CTNNA3: variants seen among roughly 807,000 people sequenced by gnomAD.
CTNNA3 encodes catenin alpha 3.
Under a neutral mutation model 95.7 loss-of-function variants are expected in CTNNA3, and 76 were observed. That is an observed-to-expected ratio of 0.79 (90% confidence interval 0.66 to 0.96). CTNNA3 has a LOEUF of 0.96. Among genes scored for constraint, CTNNA3 ranks in the 40% least tolerant of loss-of-function variants. The pLI is 0.00. For missense variants in CTNNA3, 1,191 were observed against 1,089.8 expected, an observed-to-expected ratio of 1.09 and a Z score of -1.31; for synonymous variants, 431 against 374.4, an observed-to-expected ratio of 1.15 and a Z score of -1.74.
intron 5 of CTNNA3, among the ~76,000 whole-genome samples, chr10:67,319,212 G>C (rs770763651): frequency 6.6e-6 from 1 of 152,174 alleles, no homozygotes; most frequent in Non-Finnish European, 1.5e-5. Context: ...AGTGTATCCT[G>C]TGTGACTTCA....
intron 15 of CTNNA3, among the ~76,000 whole-genome samples, chr10:66,046,435 C>T (rs1337690906): frequency 6.6e-6 from 1 of 152,134 alleles, no homozygotes; most frequent in African/African-American, 2.4e-5. Context: ...CCCATACATA[C>T]AATATACCAG....
chr10:65,946,416 T>G (rs1019659617), intron 17 of CTNNA3, among the ~76,000 whole-genome samples: 3 of 151,776 alleles, frequency 2.0e-5, no homozygotes, highest in African/African-American at 7.3e-5. Context: ...TCTCTGTCTC[T>G]GTCTCTGTTT....
intron 3 of CTNNA3, among the ~76,000 whole-genome samples, chr10:67,541,684 A>G (rs972407729): frequency 6.6e-6 from 1 of 152,100 alleles, no homozygotes; most frequent in African/African-American, 2.4e-5. Flanking sequence ...AAAGCACTCA[A>G]CAAAGATTAA....
At chr10:65,993,682 TG>T (rs1400457533) in intron 15 of CTNNA3, among the ~76,000 whole-genome samples, 1 of 152,202 alleles carries the variant, frequency 6.6e-6, no homozygotes, top group African/African-American at 2.4e-5. Flanking sequence ...TTGGGTCATG[TG>T]GTCCTTGCTT....
rs1426270607 is a variant in CTNNA3 at position 66,598,820 on chromosome 10, A to C, written c.1374+22872T>G. ...TTAATATTGTTGAAATATTTGTACT[A>C]TCCTAAGTGATCTATAAATTCACTG... On this transcript the variant is annotated intron_variant, in intron 10 of 17. Transcript: ENST00000433211. 3.9e-5 allele frequency among the ~76,000 whole-genome samples: 6 copies of C among 152,114 alleles called. No individual in the cohort carries two copies. The East Asian group carries it at 1.2e-3, about 29-fold the overall frequency.
chr10:65,976,306 C>T (rs1422958074), intron 16 of CTNNA3, among the ~76,000 whole-genome samples: 1 of 152,136 alleles, frequency 6.6e-6, no homozygotes, highest in Non-Finnish European at 1.5e-5. Flanking sequence ...ACCAGCACCA[C>T]TATACAACTC....
intron 1 of CTNNA3, among the ~76,000 whole-genome samples, chr10:67,649,122 C>T (rs1399504268): frequency 6.6e-6 from 1 of 152,214 alleles, no homozygotes; most frequent in Admixed American, 6.5e-5. Flanking sequence ...TGTTACTCCT[C>T]TACGACAGGT....
intron 11 of CTNNA3, among the ~76,000 whole-genome samples, chr10:66,466,328 G>A (rs1310130227): frequency 7.9e-5 from 9 of 113,722 alleles, no homozygotes; most frequent in Non-Finnish European, 1.1e-4. Flanking sequence ...ACACATACAC[G>A]CACCCACCTA....
chr10:66,647,359 T>C (rs756815560), intron 9 of CTNNA3, among the ~76,000 whole-genome samples: 7 of 152,132 alleles, frequency 4.6e-5, no homozygotes, highest in African/African-American at 1.7e-4. Context: ...TAACTATGAC[T>C]AGGTAATTGT....
At chr10:65,993,758 T>C (rs568169753) in intron 15 of CTNNA3, among the ~76,000 whole-genome samples, 174 of 152,264 alleles carry the variant, frequency 1.1e-3, no homozygotes, top group African/African-American at 3.9e-3. Flanking sequence ...ATTTTTTAGA[T>C]GGAGTCTTGC....
chr10:66,461,685 G>GTATATATATATATA (rs141247399), intron 11 of CTNNA3, among the ~76,000 whole-genome samples: 1 of 140,142 alleles, frequency 7.1e-6, no homozygotes, highest in African/African-American at 2.7e-5. Context: ...ATATATATAT[G>GTATATATATATATA]TATATATATA....
At chr10:66,836,799 C>T (rs1018416074) in intron 7 of CTNNA3, among the ~76,000 whole-genome samples, 2 of 152,068 alleles carry the variant, frequency 1.3e-5, no homozygotes, top group Non-Finnish European at 2.9e-5. Flanking sequence ...TCCATTTGAA[C>T]CTCTACTAAA....
chr10:66,263,712 T>C (rs1269633143), intron 13 of CTNNA3, among the ~76,000 whole-genome samples: 1 of 152,034 alleles, frequency 6.6e-6, no homozygotes, highest in Non-Finnish European at 1.5e-5. Flanking sequence ...TTTCTCAACC[T>C]GCAATTAGAG....
At chr10:67,538,276 T>C (rs147598464) in intron 4 of CTNNA3, among the ~76,000 whole-genome samples, 2 of 149,830 alleles carry the variant, frequency 1.3e-5, no homozygotes, top group South Asian at 2.1e-4. Context: ...TAAGCAATAG[T>C]GAATACAAGA....
chr10:67,627,064 C>T (rs1838981430), intron 2 of CTNNA3, among the ~76,000 whole-genome samples: 2 of 152,112 alleles, frequency 1.3e-5, no homozygotes, highest in Non-Finnish European at 2.9e-5. Flanking sequence ...CTATGATATT[C>T]TTGATATTTT....
chr10:66,554,457 G>A (rs150541579), intron 10 of CTNNA3, among the ~76,000 whole-genome samples: 8 of 152,110 alleles, frequency 5.3e-5, no homozygotes, highest in African/African-American at 1.9e-4. Flanking sequence ...AATTCTCTCT[G>A]TTCTCCTTCT....
chr10:67,331,600 T>G (rs543293587), intron 5 of CTNNA3, among the ~76,000 whole-genome samples: 1 of 152,108 alleles, frequency 6.6e-6, no homozygotes, highest in South Asian at 2.1e-4. Flanking sequence ...ACTCAGCTAT[T>G]CAAGTGATGT....
chr10:66,676,088 G>T (rs942665553), intron 9 of CTNNA3, among the ~76,000 whole-genome samples: 2 of 149,114 alleles, frequency 1.3e-5, no homozygotes, highest in Non-Finnish European at 1.5e-5. Flanking sequence ...ATTTCTACAT[G>T]TTAGAGTTAA....
intron 3 of CTNNA3, among the ~76,000 whole-genome samples, chr10:67,544,889 T>C (rs968405546): frequency 2.0e-5 from 3 of 152,286 alleles, no homozygotes; most frequent in South Asian, 4.1e-4. Flanking sequence ...GCAGCATTCA[T>C]GCATCAGAGA....
Sources: gnomAD v4.1 joint callset for allele counts (sites outside exome capture counted in the v4.1 genomes callset) on GRCh38, gnomAD v4.1.1 for gene constraint, MANE v1.5 for transcripts, NCBI Gene and HGNC (gene_info 2026-07-23, HGNC 2026-07-21) for gene names.